KCNJ13: variants seen among roughly 807,000 people sequenced by gnomAD.
The protein encoded by KCNJ13 is inward rectifier potassium channel 13.
In KCNJ13, 9 loss-of-function variants were observed where a neutral mutation model predicts 24.6. The observed-to-expected ratio is 0.37, with a 90% CI of 0.22 to 0.64. KCNJ13 has a LOEUF of 0.64. Ranked by LOEUF, KCNJ13 falls within the 30% of genes least tolerant of loss-of-function variation. The pLI is 0.64. For synonymous variants in KCNJ13, 148 were observed against 154.7 expected, an observed-to-expected ratio of 0.96 and a Z score of 0.32; for missense variants, 337 against 443.8, an observed-to-expected ratio of 0.76 and a Z score of 2.16.
In KCNJ13 at chr2:232,768,447, T is replaced by C; in HGVS notation, c.827A>G (p.Glu276Gly). ...CCTTTGGCATATTTCTCCAGTGCCC[T>C]CCTGCATTGCTGAAAGGAATACAAC... Reference protein sequence around the residue: ...ELVVFLSAMQEGTGEICQRRT... With the variant: ...ELVVFLSAMQGGTGEICQRRT... The change falls in exon 3 of 3, where the codon GAG becomes GGG. Residue 276 changes from glutamate to glycine, a missense_variant. By Grantham distance (98) the Glu-to-Gly change is moderately conservative. Around this residue, in one of 3 missense-constraint regions of KCNJ13, gnomAD observed 235 missense variants for 286.9 expected, o/e 0.82. Coordinates refer to ENST00000233826, the MANE Select transcript of KCNJ13 (RefSeq NM_002242.4). 2.5e-6 allele frequency: 4 copies of C among 1,614,230 alleles called. No individual in the cohort carries two copies. The highest frequency in any genetic ancestry group is 3.4e-6 in the Non-Finnish European group (4 of 1,180,022).
chr2:232,772,053 T>C (rs893608451), intron 1 of KCNJ13, among the ~76,000 whole-genome samples: 1 of 152,172 alleles, frequency 6.6e-6, no homozygotes, highest in African/African-American at 2.4e-5. Context: ...GGCACAATCA[T>C]AGCTCACTGC....
intron 2 of KCNJ13, among the ~76,000 whole-genome samples, chr2:232,770,187 A>G (rs1699175371): frequency 6.6e-6 from 1 of 152,204 alleles, no homozygotes. Flanking sequence ...CATTCTTCAT[A>G]CGGCCCAATG....
At chr2:232,775,364 A>G (rs1699467850) in intron 1 of KCNJ13, among the ~76,000 whole-genome samples, 1 of 152,216 alleles carries the variant, frequency 6.6e-6, no homozygotes. Context: ...GAATTATGAT[A>G]ATAAGATTTC....
In KCNJ13 at chr2:232,767,774, G is replaced by T; in HGVS notation, c.*417C>A. The T allele has an allele frequency of 4.6e-6, 1 of 219,366 alleles. No homozygotes were observed. The highest frequency in any genetic ancestry group is 6.9e-5 in the South Asian group (1 of 14,586). The allele number at this position is 219,366 out of a possible 1,614,324, so 13.6% of individuals were successfully genotyped here. On this transcript the variant is annotated 3_prime_UTR_variant, in exon 3 of 3. Transcript: ENST00000233826. ...GATATTCACTAAGTATAGTGAAGTC[G>T]TCATTCCACCCAGGGAGCTAGGTTT...
chr2:232,770,615 T>A (rs1167274586), intron 2 of KCNJ13, among the ~76,000 whole-genome samples: 3 of 152,206 alleles, frequency 2.0e-5, no homozygotes, highest in Admixed American at 6.5e-5. Context: ...TTAATTTTTT[T>A]TTTTTGATAT....
Position 232,766,214 on chromosome 2 carries a change from T to C in KCNJ13, c.*1977A>G, listed in dbSNP as rs568696402. Among the ~76,000 whole-genome samples the C allele has an allele frequency of 3.3e-5, 5 of 152,356 alleles. No homozygotes were observed. Among genetic ancestry groups the C allele is most frequent in the East Asian group, 3.9e-4 (2 of 5,190 alleles). ...TTGGATCACGTTTCTTATAGATTTA[T>C]AAAGTGTTTATTAAATAACAGTAGT... is the stretch of plus-strand genomic sequence containing the variant. On this transcript the variant is annotated 3_prime_UTR_variant, in exon 3 of 3. Transcript: ENST00000233826.
chr2:232,774,341 A>T (rs1413963906), intron 1 of KCNJ13, among the ~76,000 whole-genome samples: 1 of 152,140 alleles, frequency 6.6e-6, no homozygotes, highest in South Asian at 2.1e-4. Flanking sequence ...CAGACCTATT[A>T]TTTGTAGGTT....
chr2:232,768,655 C>T lies in KCNJ13; in HGVS notation c.619G>A (p.Val207Ile). Residue 207 changes from valine (V) to isoleucine (I), a missense_variant, in exon 3 of 3, where the codon GTA becomes ATA. Physicochemically the swap from Val to Ile is conservative, Grantham distance 29. Coordinates refer to ENST00000233826, the MANE Select transcript of KCNJ13 (RefSeq NM_002242.4). ...CCATTTTCTCTTTCCTGATAGAGTA[C>T]AGCTGAGACCCGGACACTGGTTAGA... ...SPLTSVRVSA[V>I]LYQERENGKL... The T allele has an allele frequency of 6.2e-7, 1 of 1,613,830 alleles. No individual in the cohort carries two copies.
rs931823826 is a variant in KCNJ13 at position 232,767,325 on chromosome 2, A to G, written c.*866T>C. The G allele has an allele frequency of 4.6e-5, 7 of 152,142 alleles. No homozygotes were observed. Among genetic ancestry groups the G allele is most frequent in the African/African-American group, 1.7e-4 (7 of 41,428 alleles). The allele number at this position is 152,142 out of a possible 1,614,324, so 9.4% of individuals were successfully genotyped here. On this transcript the variant is annotated 3_prime_UTR_variant, in exon 3 of 3. Transcript: ENST00000233826. ...TATAAAGACTTAAATATATTTTTGT[A>G]TTTATGAATTAGAGCCATCATGATG...
Position 232,768,194 on chromosome 2 carries a change from T to C in KCNJ13, c.1080A>G (p.Glu360=), listed in dbSNP as rs1341560373. 5.6e-6 allele frequency: 9 copies of C among 1,613,936 alleles called. No individual in the cohort carries two copies. In the East Asian group the frequency reaches 6.7e-5, roughly 12 times the overall value. Residue 360 remains glutamate, a synonymous_variant, in exon 3 of 3, where the codon GAA becomes GAG. Coordinates refer to ENST00000233826, the MANE Select transcript of KCNJ13 (RefSeq NM_002242.4). ...NFQISETGLT[E] is the part of the protein sequence containing the mutation. ...TACATTAAAAAATGGATAAGTCTTATTCTGTCAGTCCTGTTTCAGAGATCT... is the reference window on the plus strand; with the variant it reads ...TACATTAAAAAATGGATAAGTCTTACTCTGTCAGTCCTGTTTCAGAGATCT...
At chr2:232,769,742 G>A (rs1270506586) in intron 2 of KCNJ13, among the ~76,000 whole-genome samples, 1 of 151,934 alleles carries the variant, frequency 6.6e-6, no homozygotes, top group African/African-American at 2.4e-5. Context: ...TAAGAAGTAA[G>A]TACTTACCAG....
chr2:232,771,587 T>C (rs2106340179), intron 1 of KCNJ13, among the ~76,000 whole-genome samples: 1 of 152,346 alleles, frequency 6.6e-6, no homozygotes, highest in East Asian at 1.9e-4. Flanking sequence ...ATCTCTTCTA[T>C]TGTTTCTTTG....
chr2:232,774,597 G>A (rs1477784514), intron 1 of KCNJ13, among the ~76,000 whole-genome samples: 2 of 152,098 alleles, frequency 1.3e-5, no homozygotes, highest in Non-Finnish European at 2.9e-5. Context: ...ATGGAAGAAG[G>A]ATATAACAAT....
rs748224832 is a variant in KCNJ13 at position 232,768,159 on chromosome 2, G to T, written c.*32C>A. 1 of 1,608,466 alleles carries T rather than the reference G, an allele frequency of 6.2e-7. No homozygotes were observed. Among genetic ancestry groups the T allele is most frequent in the Non-Finnish European group, 8.5e-7 (1 of 1,175,452 alleles). ...AAAAAGTAGCTGCATAACTGGCTGG[G>T]TGTATTTAATACATTAAAAAATGGA... On this transcript the variant is annotated 3_prime_UTR_variant, in exon 3 of 3. Transcript: ENST00000233826.
intron 1 of KCNJ13, among the ~76,000 whole-genome samples, chr2:232,775,047 CG>C (rs546519452): frequency 2.2e-4 from 34 of 151,748 alleles, no homozygotes; most frequent in Non-Finnish European, 3.2e-4. Context: ...GGCTGATAAT[CG>C]GAACAGTTAA....
At chr2:232,769,185 G>T (rs1699113041) in intron 2 of KCNJ13, among the ~76,000 whole-genome samples, 1 of 152,134 alleles carries the variant, frequency 6.6e-6, no homozygotes, top group South Asian at 2.1e-4. Flanking sequence ...CGTTGAAGTA[G>T]AGACTAGGTT....
Position 232,768,405 on chromosome 2 carries a change from G to C in KCNJ13, c.869C>G (p.Pro290Arg). Reference sequence around the variant, plus strand: ...ACAGTGATGTAACATGATTTCAGACGGTAGGTAGGATGTCCTCCTTTGGCA... The same window carrying C: ...ACAGTGATGTAACATGATTTCAGACCGTAGGTAGGATGTCCTCCTTTGGCA... Reference protein sequence around the residue: ...EICQRRTSYLPSEIMLHHCFA... With the variant: ...EICQRRTSYLRSEIMLHHCFA... The change falls in exon 3 of 3, where the codon CCG becomes CGG. Residue 290 changes from proline (P) to arginine (R), a missense_variant. By Grantham distance (103) the Pro-to-Arg change is moderately radical (BLOSUM62 -2). Transcript: ENST00000233826. 6.2e-7 allele frequency: 1 copy of C among 1,614,094 alleles called. No homozygotes were observed. Among genetic ancestry groups the C allele is most frequent in the Non-Finnish European group, 8.5e-7 (1 of 1,179,984 alleles).
Position 232,768,766 on chromosome 2 carries a change from T to G in KCNJ13, c.508A>C (p.Ile170Leu). ...ACTACTGCTGTGTCAGTAAAGCGAA[T>G]TGAAAAAGCTCGATTTTTTGGCCGG... ...IARPKNRAFS[I>L]RFTDTAVVAH... The change falls in exon 3 of 3, where the codon ATT becomes CTT. Residue 170 changes from isoleucine (I) to leucine (L), a missense_variant. This residue lies in a region of KCNJ13 where 235 missense variants were observed against 286.9 expected (regional missense o/e 0.82). Coordinates refer to ENST00000233826, the MANE Select transcript of KCNJ13 (RefSeq NM_002242.4). The G allele has an allele frequency of 6.3e-7, 1 of 1,599,990 alleles. No homozygotes were observed. The highest frequency in any genetic ancestry group is 8.5e-7 in the Non-Finnish European group (1 of 1,170,170).
At chr2:232,775,707 T>C (rs1699483871) in intron 1 of KCNJ13, among the ~76,000 whole-genome samples, 1 of 152,220 alleles carries the variant, frequency 6.6e-6, no homozygotes, top group African/African-American at 2.4e-5. Context: ...GTTGTAGCAC[T>C]TAAAAGTATG....
Sources: allele counts gnomAD v4.1 joint callset (sites outside exome capture counted in the v4.1 genomes callset), GRCh38; gene constraint gnomAD v4.1.1; regional missense constraint gnomAD v4.1.1; transcripts MANE v1.5; gene names NCBI Gene and HGNC (gene_info 2026-07-23, HGNC 2026-07-21).